The following NTN3 variants were observed in gnomAD, a reference collection of about 807,000 sequenced individuals.
NTN3 encodes netrin 3, also known as netrin-3.
In NTN3, 44 loss-of-function variants were observed where a neutral mutation model predicts 37.2. The observed-to-expected ratio is 1.18, with a 90% CI of 0.93 to 1.52. The LOEUF is 1.52. Among genes scored for constraint, NTN3 ranks in the 40% most tolerant of loss-of-function variants. NTN3 has a pLI of 0.00. For synonymous variants in NTN3, 385 were observed against 376.0 expected (o/e 1.02, Z -0.28); for missense variants, 882 against 857.3 (o/e 1.03, Z -0.36).
Position 2,472,431 on chromosome 16 carries a change from T to C in NTN3, c.730T>C (p.Tyr244His), listed in dbSNP as rs149915043. The C allele has an allele frequency of 6.2e-7, 1 of 1,611,678 alleles. No homozygotes were observed. Among genetic ancestry groups the C allele is most frequent in the Non-Finnish European group, 8.5e-7 (1 of 1,179,014 alleles). ...RDMEAVVPYS[Y>H]AATDLQVGGR... ...CATGGAGGCCGTCGTCCCTTACTCCTACGCAGCCACCGACCTCCAGGTGGG... is the reference window on the plus strand; with the variant it reads ...CATGGAGGCCGTCGTCCCTTACTCCCACGCAGCCACCGACCTCCAGGTGGG... Residue 244 changes from tyrosine (Y) to histidine (H), a missense_variant, in exon 1 of 6, where the codon TAC becomes CAC. Coordinates refer to ENST00000293973, the MANE Select transcript of NTN3 (RefSeq NM_006181.3).
In NTN3 at chr16:2,471,550, G is replaced by A. The variant is rs2065520724; in HGVS notation, c.-152G>A. 2 of 467,666 alleles carry A rather than the reference G, an allele frequency of 4.3e-6. No individual in the cohort carries two copies. Among genetic ancestry groups the A allele is most frequent in the Non-Finnish European group, 3.5e-6 (1 of 282,592 alleles). 29.0% of individuals were successfully genotyped at this position (467,666 alleles called of 1,614,324 possible). On this transcript the variant is annotated 5_prime_UTR_variant, in exon 1 of 6. Coordinates refer to ENST00000293973, the MANE Select transcript of NTN3 (RefSeq NM_006181.3). Reference sequence around the variant, plus strand: ...GTGCTGGGCCCGGGGCGTGCCCGCCGCTGCTCCCACCTCTGGGCCGGGCTG... The same window carrying A: ...GTGCTGGGCCCGGGGCGTGCCCGCCACTGCTCCCACCTCTGGGCCGGGCTG...
In NTN3 at chr16:2,473,129, G is replaced by A. The variant is rs1473097928; in HGVS notation, c.1262G>A (p.Cys421Tyr). The A allele has an allele frequency of 1.9e-6, 3 of 1,595,380 alleles. No individual in the cohort carries two copies. The highest frequency in any genetic ancestry group is 1.3e-5 in the African/African-American group (1 of 74,934). Residue 421 changes from cysteine to tyrosine, a missense_variant, in exon 3 of 6, where the codon TGT becomes TAT. By Grantham distance (194) the Cys-to-Tyr change is radical. Coordinates refer to ENST00000293973, the MANE Select transcript of NTN3 (RefSeq NM_006181.3). ...CAAAGCCGCTCCCCAGTGGCGCCCT[G>A]TGTTAGTGAGTGACCCTGCCCCGCC... Reference protein sequence around the residue: ...FQQSRSPVAPCVKTPIPGPTE... With the variant: ...FQQSRSPVAPYVKTPIPGPTE...
chr16:2,471,448 C>A lies in NTN3; in HGVS notation c.-254C>A. On this transcript the variant is annotated 5_prime_UTR_variant, in exon 1 of 6. Transcript: ENST00000293973. ...GAGCGGCGGGTGGGGCCTCCGCGGG[C>A]GGAGGCACCGGGAGCGGGGGCGACG... 1 of 340,216 alleles carries A rather than the reference C, an allele frequency of 2.9e-6. No individual in the cohort carries two copies. Among genetic ancestry groups the A allele is most frequent in the Non-Finnish European group, 5.3e-6 (1 of 188,760 alleles). 21.1% of individuals were successfully genotyped at this position (340,216 alleles called of 1,614,324 possible).
Position 2,473,755 on chromosome 16 carries a change from G to T in NTN3, c.1394-1G>T, listed in dbSNP as rs748141423. ...CCCGCCCCCTCTCGCTCTCCCCGCA[G>T]CGGTGCAGGTGGCGGTGGGTGCGCG... On this transcript the variant is annotated splice_acceptor_variant, in intron 5 of 5. Transcript: ENST00000293973. LOFTEE classifies it high-confidence loss of function. 2 of 1,420,462 alleles carry T rather than the reference G, an allele frequency of 1.4e-6. No individual in the cohort carries two copies. Among genetic ancestry groups the T allele is most frequent in the Non-Finnish European group, 1.8e-6 (2 of 1,097,982 alleles). 88.0% of individuals were successfully genotyped at this position (1,420,462 alleles called of 1,614,324 possible).
chr16:2,471,549 C>T lies in NTN3; in HGVS notation c.-153C>T, dbSNP rs2065520713. 2.1e-6 allele frequency: 1 copy of T among 465,144 alleles called. No individual in the cohort carries two copies. The highest frequency in any genetic ancestry group is 3.6e-6 in the Non-Finnish European group (1 of 279,798). The allele number at this position is 465,144 out of a possible 1,614,324, so 28.8% of individuals were successfully genotyped here. A position where few individuals can be genotyped will look rare whatever the true frequency, so the allele number is the denominator to read the frequency against. On this transcript the variant is annotated 5_prime_UTR_variant, in exon 1 of 6. Transcript: ENST00000293973. ...TGTGCTGGGCCCGGGGCGTGCCCGCCGCTGCTCCCACCTCTGGGCCGGGCT... is the reference window on the plus strand; with the variant it reads ...TGTGCTGGGCCCGGGGCGTGCCCGCTGCTGCTCCCACCTCTGGGCCGGGCT...
chr16:2,471,850 G>A lies in NTN3; in HGVS notation c.149G>A (p.Gly50Asp), dbSNP rs763094579. ...CCAGGACTGGTGAACGCCGCCCTGG[G>A]CCGCGAGGTGCTGGCTTCCAGCACG... is the stretch of plus-strand genomic sequence containing the variant. Reference protein sequence around the residue: ...CVPGLVNAALGREVLASSTCG... With the variant: ...CVPGLVNAALDREVLASSTCG... The change falls in exon 1 of 6, where the codon GGC becomes GAC. Residue 50 changes from glycine (G) to aspartate (D), a missense_variant. Transcript: ENST00000293973. 3 of 1,441,020 alleles carry A rather than the reference G, an allele frequency of 2.1e-6. No homozygotes were observed. The highest frequency in any genetic ancestry group is 2.4e-4 in the Middle Eastern group (1 of 4,238). The allele number at this position is 1,441,020 out of a possible 1,614,324, so 89.3% of individuals were successfully genotyped here.
At position 2,471,858 on chromosome 16, in the gene NTN3, G is replaced by A. The variant is rs2065522655; in HGVS notation, c.157G>A (p.Val53Met). Residue 53 changes from valine to methionine, a missense_variant, in exon 1 of 6, where the codon GTG becomes ATG. Physicochemically the swap from Val to Met is conservative, Grantham distance 21 (BLOSUM62 1). Coordinates refer to ENST00000293973, the MANE Select transcript of NTN3 (RefSeq NM_006181.3). ...GGTGAACGCCGCCCTGGGCCGCGAGGTGCTGGCTTCCAGCACGTGCGGGCG... is the reference window on the plus strand; with the variant it reads ...GGTGAACGCCGCCCTGGGCCGCGAGATGCTGGCTTCCAGCACGTGCGGGCG... ...GLVNAALGREVLASSTCGRPA... is the reference protein window; with the variant it reads ...GLVNAALGREMLASSTCGRPA... The A allele has an allele frequency of 6.9e-7, 1 of 1,453,404 alleles. No homozygotes were observed. The highest frequency in any genetic ancestry group is 2.5e-5 in the Admixed American group (1 of 40,448). The allele number at this position is 1,453,404 out of a possible 1,614,324, so 90.0% of individuals were successfully genotyped here.
rs1029945997 is a variant in NTN3 at position 2,471,539 on chromosome 16, G to T, written c.-163G>T. ...TCCCCGCTGCTGTGCTGGGCCCGGG[G>T]CGTGCCCGCCGCTGCTCCCACCTCT... On this transcript the variant is annotated 5_prime_UTR_variant, in exon 1 of 6. Coordinates refer to ENST00000293973, the MANE Select transcript of NTN3 (RefSeq NM_006181.3). 51 of 437,322 alleles carry T rather than the reference G, an allele frequency of 1.2e-4. No individual in the cohort carries two copies. In the South Asian group the frequency reaches 3.1e-3, roughly 26 times the overall value. 27.1% of individuals were successfully genotyped at this position (437,322 alleles called of 1,614,324 possible).
At position 2,473,773 on chromosome 16, in the gene NTN3, G is replaced by T; in HGVS notation, c.1411G>T (p.Gly471Cys). ...KKDYAVQVAV[G>C]ARGEARGAWT... ...CCCCGCAGCGGTGCAGGTGGCGGTG[G>T]GTGCGCGCGGCGAGGCGCGCGGCGC... The change falls in exon 6 of 6, where the codon GGT becomes TGT. Residue 471 changes from glycine (G) to cysteine (C), a missense_variant. Transcript: ENST00000293973. The T allele has an allele frequency of 7.2e-7, 1 of 1,388,238 alleles. No individual in the cohort carries two copies. Among genetic ancestry groups the T allele is most frequent in the Non-Finnish European group, 9.2e-7 (1 of 1,081,290 alleles). The allele number at this position is 1,388,238 out of a possible 1,614,324, so 86.0% of individuals were successfully genotyped here.
At position 2,474,036 on chromosome 16, in the gene NTN3, G is replaced by A. The variant is rs1160344077; in HGVS notation, c.1674G>A (p.Arg558=). ...GCGGAAGCCTCGTGCTACCCTGGAG[G>A]GACGCGTGGACGCGGCGCCTGCGGA... The part of the protein sequence containing the change: ...AARGSLVLPW[R]DAWTRRLRRL... The change falls in exon 6 of 6, where the codon AGG becomes AGA. Residue 558 remains arginine (R), a synonymous_variant. Coordinates refer to ENST00000293973, the MANE Select transcript of NTN3 (RefSeq NM_006181.3). 10 of 1,203,648 alleles carry A rather than the reference G, an allele frequency of 8.3e-6. 1 individual carries two copies. The East Asian group carries it at 3.4e-4, about 41-fold the overall frequency. The allele number at this position is 1,203,648 out of a possible 1,614,324, so 74.6% of individuals were successfully genotyped here.
At position 2,471,753 on chromosome 16, in the gene NTN3, G is replaced by T; in HGVS notation, c.52G>T (p.Ala18Ser). The part of the protein sequence containing the change: ...LLLTAGTLFA[A>S]LSPGPPAPAD... ...GCTGACGGCAGGCACGCTCTTCGCCGCCCTGAGTCCTGGGCCGCCGGCGCC... is the reference window on the plus strand; with the variant it reads ...GCTGACGGCAGGCACGCTCTTCGCCTCCCTGAGTCCTGGGCCGCCGGCGCC... Residue 18 changes from alanine (A) to serine (S), a missense_variant, in exon 1 of 6, where the codon GCC (alanine) becomes TCC (serine). Transcript: ENST00000293973. The T allele has an allele frequency of 7.2e-7, 1 of 1,387,654 alleles. No individual in the cohort carries two copies. The highest frequency in any genetic ancestry group is 1.5e-5 in the African/African-American group (1 of 65,980). The allele number at this position is 1,387,654 out of a possible 1,614,324, so 86.0% of individuals were successfully genotyped here.
At position 2,472,423 on chromosome 16, in the gene NTN3, C is replaced by A. The variant is rs369917788; in HGVS notation, c.722C>A (p.Pro241His). ...CCCAGGGACATGGAGGCCGTCGTCC[C>A]TTACTCCTACGCAGCCACCGACCTC... ...GDPRDMEAVV[P>H]YSYAATDLQV... Residue 241 changes from proline to histidine, a missense_variant, in exon 1 of 6, where the codon CCT (proline) becomes CAT (histidine). By Grantham distance (77) the Pro-to-His change is moderately conservative (BLOSUM62 -2). Transcript: ENST00000293973. The A allele has an allele frequency of 3.7e-6, 6 of 1,612,658 alleles. No homozygotes were observed. Among genetic ancestry groups the A allele is most frequent in the Non-Finnish European group, 5.1e-6 (6 of 1,179,822 alleles).
rs2065541396 is a variant in NTN3, at chr16:2,474,013, G to C, written c.1651G>C (p.Gly551Arg). The change falls in exon 6 of 6, where the codon GGA becomes CGA. Residue 551 changes from glycine to arginine, a missense_variant. Gly to Arg is a moderately radical substitution (Grantham distance 125, BLOSUM62 -2). Transcript: ENST00000293973. ...GGGGCCCGGGCTCATCGCCGCCCGC[G>C]GAAGCCTCGTGCTACCCTGGAGGGA... is the stretch of plus-strand genomic sequence containing the variant. ...GRGPGLIAAR[G>R]SLVLPWRDAW... 8.4e-7 allele frequency: 1 copy of C among 1,192,054 alleles called. No homozygotes were observed. 73.8% of individuals were successfully genotyped at this position (1,192,054 alleles called of 1,614,324 possible).
Position 2,473,830 on chromosome 16 carries a change from G to C in NTN3, c.1468G>C (p.Val490Leu). ...WTRFPVAVLA[V>L]FRSGEERARR... ...ACGCTTCCCGGTGGCGGTGCTCGCC[G>C]TGTTCCGGAGCGGAGAGGAGCGCGC... Residue 490 changes from valine (V) to leucine (L), a missense_variant, in exon 6 of 6, where the codon GTG becomes CTG. By Grantham distance (32) the Val-to-Leu change is conservative (BLOSUM62 1). Transcript: ENST00000293973. The C allele has an allele frequency of 7.3e-7, 1 of 1,372,634 alleles. No individual in the cohort carries two copies. Among genetic ancestry groups the C allele is most frequent in the African/African-American group, 1.5e-5 (1 of 65,266 alleles). 85.0% of individuals were successfully genotyped at this position (1,372,634 alleles called of 1,614,324 possible).
intron 5 of NTN3, 66 bp downstream of exon 5, chr16:2,473,569 C>T: frequency 1.3e-6 from 2 of 1,502,124 alleles, no homozygotes; most frequent in South Asian, 2.3e-5. Flanking sequence ...CCCTCCTCCG[C>T]CAGCTTCCCC....
At position 2,472,143 on chromosome 16, in the gene NTN3, G is replaced by A; in HGVS notation, c.442G>A (p.Gly148Ser). The change falls in exon 1 of 6, where the codon GGC (glycine) becomes AGC (serine). Residue 148 changes from glycine to serine, a missense_variant. Transcript: ENST00000293973. ...CCATGGCCGCAGCTGGGCCCCGCTG[G>A]GCTTCTTCTCCTCCCACTGTGACCT... ...QDHGRSWAPL[G>S]FFSSHCDLDY... 6.2e-7 allele frequency: 1 copy of A among 1,608,584 alleles called. No homozygotes were observed. Among genetic ancestry groups the A allele is most frequent in the Non-Finnish European group, 8.5e-7 (1 of 1,179,716 alleles).
Position 2,472,970 on chromosome 16 carries a change from C to T in NTN3, c.1118-15C>T. On this transcript the variant is annotated splice_polypyrimidine_tract_variant and intron_variant, in intron 2 of 5. Transcript: ENST00000293973. Reference sequence around the variant, plus strand: ...GACAGGCTTCTGACCAGGCCCTTCCCACCTCTGTCCTCAGCCTGCGACTGT... The same window carrying T: ...GACAGGCTTCTGACCAGGCCCTTCCTACCTCTGTCCTCAGCCTGCGACTGT... 6.3e-7 allele frequency: 1 copy of T among 1,590,464 alleles called. No homozygotes were observed. The highest frequency in any genetic ancestry group is 8.6e-7 in the Non-Finnish European group (1 of 1,166,848).
In NTN3 at chr16:2,471,463, C is replaced by T. The variant is rs369589615; in HGVS notation, c.-239C>T. 6 of 360,242 alleles carry T rather than the reference C, an allele frequency of 1.7e-5. No individual in the cohort carries two copies. Among genetic ancestry groups the T allele is most frequent in the East Asian group, 4.0e-5 (1 of 24,716 alleles). The allele number at this position is 360,242 out of a possible 1,614,324, so 22.3% of individuals were successfully genotyped here. On this transcript the variant is annotated 5_prime_UTR_variant, in exon 1 of 6. Transcript: ENST00000293973. ...CCTCCGCGGGCGGAGGCACCGGGAGCGGGGGCGACGCCTGTCATCGCTCTA... is the reference window on the plus strand; with the variant it reads ...CCTCCGCGGGCGGAGGCACCGGGAGTGGGGGCGACGCCTGTCATCGCTCTA...
rs201527633 is a variant in NTN3 at position 2,472,990 on chromosome 16, G to A, written c.1123G>A (p.Asp375Asn). The change falls in exon 3 of 6, where the codon GAC (aspartate) becomes AAC (asparagine). Residue 375 changes from aspartate (D) to asparagine (N), a missense_variant. Asp to Asn is a conservative substitution (Grantham distance 23, BLOSUM62 1). Transcript: ENST00000293973. The part of the protein sequence containing the change: ...LSDRRACRAC[D>N]CHPVGAAGKT... ...CTTCCCACCTCTGTCCTCAGCCTGC[G>A]ACTGTCACCCGGTTGGTGCTGCTGG... The A allele has an allele frequency of 1.8e-5, 29 of 1,601,028 alleles. 1 individual carries two copies. The highest frequency in any genetic ancestry group is 8.4e-5 in the Admixed American group (5 of 59,630).
Sources: gnomAD v4.1 joint callset for allele counts on GRCh38, gnomAD v4.1.1 for gene constraint, MANE v1.5 for transcripts, NCBI Gene and HGNC (gene_info 2026-07-23, HGNC 2026-07-21) for gene names.